Variants in AIFM1 observed in about 807,000 individuals in gnomAD.
AIFM1 encodes apoptosis-inducing factor 1, mitochondrial.
A neutral mutation model predicts 51.7 loss-of-function variants in AIFM1; 3 were observed. The ratio of observed to expected loss-of-function variants is 0.06; its 90% CI spans 0.03 to 0.15. AIFM1 has a LOEUF of 0.15. Ranked by LOEUF, AIFM1 falls within the 10% of genes least tolerant of loss-of-function variation. The probability of loss-of-function intolerance (pLI) is 1.00; values close to 1 mark genes in which losing one functional copy is unlikely to be tolerated. For synonymous variants in AIFM1, 178 were observed against 179.4 expected (o/e 0.99, Z 0.06); for missense variants, 330 against 476.8 (o/e 0.69, Z 2.87).
chrX:130,153,783 G>C (rs2031077643), intron 2 of AIFM1, among the ~76,000 whole-genome samples: 1 of 111,641 alleles, frequency 9.0e-6, no homozygotes, highest in Non-Finnish European at 1.9e-5. Context: ...GCTAAGAAGA[G>C]AGCCCTCACC....
At chrX:130,149,430 T>C (rs2030878492) in intron 3 of AIFM1, 39 bp downstream of exon 3, 4 of 1,098,295 alleles carry the variant, frequency 3.6e-6, no homozygotes, top group African/African-American at 3.6e-5. Flanking sequence ...TTTCCCTTTG[T>C]GAGTCTCAAA....
At chrX:130,137,838 G>A (rs990970499) in intron 9 of AIFM1, 9 of 729,639 alleles carry the variant, frequency 1.2e-5, no homozygotes, top group Non-Finnish European at 1.5e-5. Flanking sequence ...CGAGGTGGGT[G>A]GATCACCTGA....
intron 2 of AIFM1, 68 bp from the exon 3 acceptor site, chrX:130,149,636 CT>C (rs1284314473): frequency 6.4e-6 from 5 of 784,468 alleles, no homozygotes; most frequent in Admixed American, 4.5e-5. Context: ...GTAATATTAT[CT>C]TTCAATTAAA....
chrX:130,139,544 G>A (rs112793200), intron 8 of AIFM1, among the ~76,000 whole-genome samples: 35 of 111,372 alleles, frequency 3.1e-4, no homozygotes, highest in African/African-American at 1.0e-3. Flanking sequence ...AACAACTATG[G>A]AAGAGCAATC....
At chrX:130,132,109 T>C (rs1280295726) in intron 13 of AIFM1, among the ~76,000 whole-genome samples, 5 of 111,491 alleles carry the variant, frequency 4.5e-5, no homozygotes, top group Non-Finnish European at 1.9e-5. Context: ...TGACCTCAAG[T>C]AATCTGCCCG....
At position 130,156,588 on chromosome X, in the gene AIFM1, C is replaced by T. The variant is rs779952484; in HGVS notation, c.122G>A (p.Arg41Gln). ...CTGGAGTTCTAGAGGAACATGCCATCGCTGGAACAAGTTGCCTAAGAAACA... is the reference window on the plus strand; with the variant it reads ...CTGGAGTTCTAGAGGAACATGCCATTGCTGGAACAAGTTGCCTAAGAAACA... ...RNRLPGNLFQ[R>Q]WHVPLELQMT... The change falls in exon 2 of 16, where the codon CGA becomes CAA. Residue 41 changes from arginine (R) to glutamine (Q), a missense_variant. By Grantham distance (43) the Arg-to-Gln change is conservative. Transcript: ENST00000287295. 8 of 1,209,639 alleles carry T rather than the reference C, an allele frequency of 6.6e-6. No individual in the cohort carries two copies. Among genetic ancestry groups the T allele is most frequent in the African/African-American group, 3.5e-5 (2 of 57,072 alleles).
intron 6 of AIFM1, among the ~76,000 whole-genome samples, chrX:130,144,583 C>A (rs2030687268): frequency 9.0e-6 from 1 of 111,606 alleles, no homozygotes; most frequent in East Asian, 2.8e-4. Flanking sequence ...AATGCCTCTT[C>A]ATTCCATAAG....
intron 13 of AIFM1, among the ~76,000 whole-genome samples, chrX:130,132,677 A>C (rs774219312): frequency 2.7e-5 from 3 of 111,562 alleles, no homozygotes; most frequent in South Asian, 7.4e-4. Flanking sequence ...TGCTGGGATT[A>C]GAGGCATGAG....
chrX:130,142,356 T>C lies in AIFM1; in HGVS notation c.697-1739A>G, dbSNP rs746492149. ...TTGGTAAGCTCCCTCTTCAATCCAATCCCGCTACTCAACCCTCACGGTGTT... is the reference window on the plus strand; with the variant it reads ...TTGGTAAGCTCCCTCTTCAATCCAACCCCGCTACTCAACCCTCACGGTGTT... On this transcript the variant is annotated intron_variant, in intron 6 of 15. Transcript: ENST00000287295. Among the ~76,000 whole-genome samples the C allele has an allele frequency of 3.6e-5, 4 of 111,221 alleles. No individual in the cohort carries two copies. The South Asian group carries it at 1.6e-3, about 44-fold the overall frequency.
At chrX:130,161,512 A>AG (rs1214082372) in intron 1 of AIFM1, among the ~76,000 whole-genome samples, 1 of 65,504 alleles carries the variant, frequency 1.5e-5, no homozygotes, top group Non-Finnish European at 2.7e-5. Flanking sequence ...CTCTGTTTGA[A>AG]GAAAAAAAAA....
chrX:130,149,613 G>A, intron 2 of AIFM1, 45 bp from the exon 3 acceptor site: 6 of 898,524 alleles, frequency 6.7e-6, no homozygotes, highest in African/African-American at 3.9e-5. Context: ...CATACAGCTA[G>A]CTCATACTGT....
chrX:130,165,630 C>T lies in AIFM1; in HGVS notation c.27G>A (p.Ala9=), dbSNP rs1376473539. The T allele has an allele frequency of 1.7e-6, 2 of 1,201,465 alleles. No individual in the cohort carries two copies. The highest frequency in any genetic ancestry group is 1.8e-5 in the South Asian group (1 of 55,320). Residue 9 remains alanine (A), a synonymous_variant, in exon 1 of 16, where the codon GCG becomes GCA. Coordinates refer to ENST00000287295, the MANE Select transcript of AIFM1 (RefSeq NM_004208.4). The part of the protein sequence containing the change: MFRCGGLA[A]GALKQKLVPL... ...GCACCAGCTTCTGCTTCAAAGCACC[C>T]GCCGCCAGGCCTCCACACCGGAACA...
chrX:130,147,374 G>T, intron 5 of AIFM1, 119 bp downstream of exon 5: 3 of 901,363 alleles, frequency 3.3e-6, no homozygotes, highest in Non-Finnish European at 3.2e-6. Flanking sequence ...GACCACAGTA[G>T]ACTCTAGTGG....
At chrX:130,134,017 T>C (rs778964982) in intron 12 of AIFM1, among the ~76,000 whole-genome samples, 1 of 110,317 alleles carries the variant, frequency 9.1e-6, no homozygotes, top group South Asian at 3.8e-4. Context: ...CCAAGGTGGG[T>C]GGATCACAAG....
intron 9 of AIFM1, among the ~76,000 whole-genome samples, 171 bp downstream of exon 9, chrX:130,138,422 G>A (rs948088391): frequency 9.1e-6 from 1 of 109,474 alleles, no homozygotes; most frequent in Non-Finnish European, 1.9e-5. Flanking sequence ...CCGAGATCGC[G>A]CCACTGCACT....
rs760335478 is a variant in AIFM1, at chrX:130,156,000, C to T, written c.249+461G>A. 1.1e-4 allele frequency among the ~76,000 whole-genome samples: 12 copies of T among 111,850 alleles called. No individual in the cohort carries two copies. The East Asian group carries it at 3.1e-3, about 29-fold the overall frequency. On this transcript the variant is annotated intron_variant, in intron 2 of 15. Transcript: ENST00000287295. The stretch of plus-strand genomic sequence containing the variant: ...TGGGTAAGATTCAGGGATAGCTTTC[C>T]TTTTAGGAACACTTAATATTTTTGA...
chrX:130,150,227 A>G (rs1375607901), intron 2 of AIFM1, among the ~76,000 whole-genome samples: 2 of 109,888 alleles, frequency 1.8e-5, no homozygotes, highest in Non-Finnish European at 3.8e-5. Flanking sequence ...CAAATATTCT[A>G]TCTTCTCTAT....
At position 130,165,719 on chromosome X, in the gene AIFM1, A is replaced by C; in HGVS notation, c.-63T>G. 1 of 968,731 alleles carries C rather than the reference A, an allele frequency of 1.0e-6. No individual in the cohort carries two copies. 79.8% of individuals were successfully genotyped at this position (968,731 alleles called of 1,213,427 possible). A position where few individuals can be genotyped will look rare whatever the true frequency, so the allele number is the denominator to read the frequency against. On this transcript the variant is annotated 5_prime_UTR_variant, in exon 1 of 16. Transcript: ENST00000287295. ...CCTCTCACGCACGACCGACGGGTCAAACACCGTGAGCCCCGGCCAGCTCCC... is the reference window on the plus strand; with the variant it reads ...CCTCTCACGCACGACCGACGGGTCACACACCGTGAGCCCCGGCCAGCTCCC...
chrX:130,165,106 G>C (rs929867427), intron 1 of AIFM1, among the ~76,000 whole-genome samples: 2 of 110,376 alleles, frequency 1.8e-5, no homozygotes, highest in Non-Finnish European at 3.8e-5. Flanking sequence ...CAAATCCATG[G>C]ATCTCATCTG....
Sources: gnomAD v4.1 joint callset for allele counts (sites outside exome capture counted in the v4.1 genomes callset) on GRCh38, gnomAD v4.1.1 for gene constraint, MANE v1.5 for transcripts, NCBI Gene and HGNC (gene_info 2026-07-23, HGNC 2026-07-21) for gene names.